Variants in CLCN7 observed in about 807,000 individuals in gnomAD.
CLCN7 encodes H(+)/Cl(-) exchange transporter 7.
CLCN7 carries 60 observed loss-of-function variants against 102.1 expected under a neutral mutation model. That is an observed-to-expected ratio of 0.59 (90% confidence interval 0.48 to 0.73). The LOEUF is 0.73. CLCN7 is among the 30% of genes least tolerant of loss of function. The pLI is 0.00. For synonymous variants in CLCN7, 560 were observed against 490.5 expected (o/e 1.14, Z -1.87); for missense variants, 962 against 1,125.7 (o/e 0.85, Z 2.08).
Position 1,446,348 on chromosome 16 carries a change from TCA to T in CLCN7, c.*281_*282del, listed in dbSNP as rs367705655. 124 of 700,916 alleles carry T rather than the reference TCA, an allele frequency of 1.8e-4. 1 individual carries two copies. The highest frequency in any genetic ancestry group is 1.0e-3 in the Admixed American group (50 of 49,868). The allele number at this position is 700,916 out of a possible 1,614,324, so 43.4% of individuals were successfully genotyped here. A position where few individuals can be genotyped will look rare whatever the true frequency, so the allele number is the denominator to read the frequency against. On this transcript the variant is annotated 3_prime_UTR_variant, in exon 25 of 25. Coordinates refer to ENST00000382745, the MANE Select transcript of CLCN7 (RefSeq NM_001287.6). The stretch of plus-strand genomic sequence containing the variant: ...AGAGGCCGATAGCCCGGTAGGGAGG[TCA>T]CACACACACAGCTGATCCCTGGAGG...
intron 1 of CLCN7, among the ~76,000 whole-genome samples, chr16:1,472,108 C>T (rs113542437): frequency 1.3e-4 from 20 of 152,390 alleles, no homozygotes; most frequent in Admixed American, 3.9e-4. Context: ...CAGCTTTATG[C>T]GCCTGCGTCC....
rs111579751 is a variant in CLCN7 at position 1,451,047 on chromosome 16, G to T, written c.1448-381C>A. ...CCCACAGCCTGGGGTTCCTTTCCTG[G>T]AGCAGGCAGCACTGTACTGCGTGCA... On this transcript the variant is annotated intron_variant, in intron 16 of 24. Transcript: ENST00000382745. Among the ~76,000 whole-genome samples the T allele has an allele frequency of 3.0e-3, 455 of 152,332 alleles. 1 individual carries two copies. Among genetic ancestry groups the T allele is most frequent in the African/African-American group, 0.01 (423 of 41,586 alleles).
In CLCN7 at chr16:1,448,378, C is replaced by T; in HGVS notation, c.1990G>A (p.Val664Met). Residue 664 changes from valine to methionine, a missense_variant, in exon 21 of 25, where the codon GTG (valine) becomes ATG (methionine). Val to Met is a conservative substitution (Grantham distance 21). This residue lies in a region of CLCN7 where 799 missense variants were observed against 988.0 expected (regional missense o/e 0.81). Transcript: ENST00000382745. Reference sequence around the variant, plus strand: ...ACCTGGGTGTCATCGGCATGCTCCACCACGGGGAAGCCGTTGTGATTGGAC... The same window carrying T: ...ACCTGGGTGTCATCGGCATGCTCCATCACGGGGAAGCCGTTGTGATTGGAC... ...TASNHNGFPV[V>M]EHADDTQPAR... 2 of 1,612,804 alleles carry T rather than the reference C, an allele frequency of 1.2e-6. No individual in the cohort carries two copies. The highest frequency in any genetic ancestry group is 1.7e-6 in the Non-Finnish European group (2 of 1,179,978).
intron 16 of CLCN7, 39 bp downstream of exon 16, chr16:1,451,584 T>TGG: frequency 6.3e-7 from 1 of 1,578,614 alleles, no homozygotes; most frequent in Non-Finnish European, 8.7e-7. Context: ...ACCCAGGCCC[T>TGG]GATCCCAGGG....
At chr16:1,459,438 C>G (rs187866900) in intron 6 of CLCN7, 2 of 477,272 alleles carry the variant, frequency 4.2e-6, no homozygotes, top group African/African-American at 4.2e-5. Flanking sequence ...CACGTCGGGG[C>G]ATCAGGGAAG....
chr16:1,455,235 T>C lies in CLCN7; in HGVS notation c.997A>G (p.Ile333Val), dbSNP rs773905347. Residue 333 changes from isoleucine to valine, a missense_variant, in exon 12 of 25, where the codon ATC (isoleucine) becomes GTC (valine). Physicochemically the swap from Ile to Val is conservative, Grantham distance 29. Around this residue, in one of 2 missense-constraint regions of CLCN7, gnomAD observed 799 missense variants for 988.0 expected, o/e 0.81. Transcript: ENST00000382745. ...ACAAAATTCAGGGTGAACGTGGAGA[T>C]CATGGAAGCAAAGAACTGCGGCAGA... The part of the protein sequence containing the change: ...LTWRIFFASM[I>V]STFTLNFVLS... 11 of 1,611,808 alleles carry C rather than the reference T, an allele frequency of 6.8e-6. No homozygotes were observed. The South Asian group carries it at 1.2e-4, about 18-fold the overall frequency.
Position 1,452,772 on chromosome 16 carries a change from T to C in CLCN7, c.1336A>G (p.Met446Val), listed in dbSNP as rs779826360. 1.8e-5 allele frequency: 29 copies of C among 1,604,246 alleles called. No individual in the cohort carries two copies. Among genetic ancestry groups the C allele is most frequent in the African/African-American group, 5.4e-5 (4 of 74,658 alleles). The change falls in exon 15 of 25, where the codon ATG becomes GTG. Residue 446 changes from methionine (M) to valine (V), a missense_variant. By Grantham distance (21) the Met-to-Val change is conservative. Around this residue, in one of 2 missense-constraint regions of CLCN7, gnomAD observed 799 missense variants for 988.0 expected, o/e 0.81. Coordinates refer to ENST00000382745, the MANE Select transcript of CLCN7 (RefSeq NM_001287.6). Reference sequence around the variant, plus strand: ...CCTCCCACCTGCAGCGGGTAGGACATGGAGCCCCCCTGCAGGGGCTGGCAA... The same window carrying C: ...CCTCCCACCTGCAGCGGGTAGGACACGGAGCCCCCCTGCAGGGGCTGGCAA... ...RDCQPLQGGSMSYPLQLFCAD... is the reference protein window; with the variant it reads ...RDCQPLQGGSVSYPLQLFCAD...
At position 1,450,493 on chromosome 16, in the gene CLCN7, T is replaced by C; in HGVS notation, c.1617+4A>G. The C allele has an allele frequency of 6.3e-7, 1 of 1,595,318 alleles. No individual in the cohort carries two copies. The highest frequency in any genetic ancestry group is 8.5e-7 in the Non-Finnish European group (1 of 1,172,222). The stretch of plus-strand genomic sequence containing the variant: ...CCCACAGCCTCCCCTCCGGCCCCAC[T>C]CACCGCCGCCCCCGTGAGGTAGGAC... On this transcript the variant is annotated splice_donor_region_variant and intron_variant, in intron 17 of 24. Coordinates refer to ENST00000382745, the MANE Select transcript of CLCN7 (RefSeq NM_001287.6).
intron 19 of CLCN7, 85 bp downstream of exon 19, chr16:1,448,881 G>A: frequency 6.2e-7 from 1 of 1,600,246 alleles, no homozygotes; most frequent in Non-Finnish European, 8.5e-7. Flanking sequence ...TACCCCCCGG[G>A]ACCGGCTGTT....
At chr16:1,474,450 G>A (rs1334381571) in intron 1 of CLCN7, 8 of 340,786 alleles carry the variant, frequency 2.3e-5, no homozygotes, top group East Asian at 8.7e-5. Context: ...GCTCGTGTAG[G>A]ATGACAATTT....
At chr16:1,460,173 G>T (rs1255265803) in intron 6 of CLCN7, among the ~76,000 whole-genome samples, 1 of 151,994 alleles carries the variant, frequency 6.6e-6, no homozygotes, top group Non-Finnish European at 1.5e-5. Flanking sequence ...GGGGCGGAGT[G>T]GGGTGAGGGT....
intron 2 of CLCN7, among the ~76,000 whole-genome samples, chr16:1,462,215 A>G (rs1206539902): frequency 4.0e-5 from 6 of 151,810 alleles, no homozygotes; most frequent in Admixed American, 1.3e-4. Flanking sequence ...TAGGAATACA[A>G]GTTAGTTTAA....
rs1044960912 is a variant in CLCN7, at chr16:1,445,349, G to A, written c.*1282C>T. 3 of 152,352 alleles carry A rather than the reference G, an allele frequency of 2.0e-5. No individual in the cohort carries two copies. The highest frequency in any genetic ancestry group is 7.2e-5 in the African/African-American group (3 of 41,468). 9.4% of individuals were successfully genotyped at this position (152,352 alleles called of 1,614,324 possible). ...GACGCTGGCAAAGGCGGGCTGAGAGGATTTCTTTATTTCGCGTTCAGACCC... is the reference window on the plus strand; with the variant it reads ...GACGCTGGCAAAGGCGGGCTGAGAGAATTTCTTTATTTCGCGTTCAGACCC... On this transcript the variant is annotated 3_prime_UTR_variant, in exon 25 of 25. Coordinates refer to ENST00000382745, the MANE Select transcript of CLCN7 (RefSeq NM_001287.6).
chr16:1,458,132 T>C (rs1281672680), intron 7 of CLCN7, among the ~76,000 whole-genome samples: 2 of 152,204 alleles, frequency 1.3e-5, no homozygotes, highest in East Asian at 3.9e-4. Flanking sequence ...AGGCTCCTCA[T>C]ACACCCCTGG....
At chr16:1,461,354 G>C (rs574088002) in intron 4 of CLCN7, 51 bp downstream of exon 4, 2 of 1,490,924 alleles carry the variant, frequency 1.3e-6, no homozygotes, top group Non-Finnish European at 1.8e-6. Context: ...AGGCCCGGCC[G>C]GCACCAGGCC....
chr16:1,462,436 C>T (rs958707759), intron 2 of CLCN7, among the ~76,000 whole-genome samples: 9 of 135,102 alleles, frequency 6.7e-5, no homozygotes, highest in African/African-American at 1.7e-4. Flanking sequence ...AGTGCAGTGA[C>T]GCGATCTCAA....
At position 1,474,894 on chromosome 16, in the gene CLCN7, C is replaced by G. The variant is rs2039130229; in HGVS notation, c.81G>C (p.Thr27=). 2 of 1,457,262 alleles carry G rather than the reference C, an allele frequency of 1.4e-6. No individual in the cohort carries two copies. Among genetic ancestry groups the G allele is most frequent in the Admixed American group, 2.4e-5 (1 of 41,872 alleles). 90.3% of individuals were successfully genotyped at this position (1,457,262 alleles called of 1,614,324 possible). Residue 27 remains threonine, a synonymous_variant, in exon 1 of 25, where the codon ACG becomes ACC. Coordinates refer to ENST00000382745, the MANE Select transcript of CLCN7 (RefSeq NM_001287.6). ...GCGGCGTCCCCCCGCCGGGCCGCGC[C>G]GTCCTCCGCAGCAGCGGCGCCGCCT... ...DEEAAPLLRR[T]ARPGGGTPLL...
At position 1,452,742 on chromosome 16, in the gene CLCN7, C is replaced by A. The variant is rs1333729027; in HGVS notation, c.1353+13G>T. 1 of 1,582,618 alleles carries A rather than the reference C, an allele frequency of 6.3e-7. No homozygotes were observed. Among genetic ancestry groups the A allele is most frequent in the Admixed American group, 1.8e-5 (1 of 56,962 alleles). On this transcript the variant is annotated intron_variant, in intron 15 of 24. Transcript: ENST00000382745. ...CCCTGCCTGCTGGACCCCGCCCGGG[C>A]CCAGCCTCCCACCTGCAGCGGGTAG...
intron 2 of CLCN7, among the ~76,000 whole-genome samples, chr16:1,463,262 C>T (rs1019426606): frequency 2.0e-5 from 3 of 152,168 alleles, no homozygotes; most frequent in Non-Finnish European, 2.9e-5. Flanking sequence ...TCGTCATACT[C>T]TTGGGTGAGG....
Sources: gnomAD v4.1 joint callset for allele counts (sites outside exome capture counted in the v4.1 genomes callset) on GRCh38, gnomAD v4.1.1 for gene constraint, gnomAD v4.1.1 regional missense constraint, MANE v1.5 for transcripts, NCBI Gene and HGNC (gene_info 2026-07-23, HGNC 2026-07-21) for gene names.